Variants in GRIP2 observed in about 807,000 individuals in gnomAD.
GRIP2 encodes the protein glutamate receptor-interacting protein 2.
Under a neutral mutation model 108.3 loss-of-function variants are expected in GRIP2, and 58 were observed. The ratio of observed to expected loss-of-function variants is 0.54; its 90% confidence interval spans 0.43 to 0.67. The LOEUF (loss-of-function observed/expected upper bound fraction) is 0.67. Among genes scored for constraint, GRIP2 ranks in the 30% least tolerant of loss-of-function variants. The pLI is 0.00. For missense variants in GRIP2, 1,278 were observed against 1,430.6 expected (o/e 0.89, Z 1.72); for synonymous variants, 586 against 598.2 (o/e 0.98, Z 0.30).
intron 1 of GRIP2, among the ~76,000 whole-genome samples, chr3:14,527,821 A>G (rs1694605242): frequency 6.6e-6 from 1 of 152,182 alleles, no homozygotes; most frequent in South Asian, 2.1e-4. Context: ...GCTTGAACCC[A>G]GGAGGCGGAG....
At chr3:14,573,141 C>T in the GRIP2 span, 1 of 1,432,736 alleles carries the variant, frequency 7.0e-7, no homozygotes, top group Non-Finnish European at 9.8e-7. Flanking sequence ...CCCAAAGGTG[C>T]AGAGGAAGAG....
intron 22 of GRIP2, 132 bp downstream of exon 22, chr3:14,496,285 A>G: frequency 1.5e-6 from 1 of 687,130 alleles, no homozygotes; most frequent in Non-Finnish European, 2.4e-6. Context: ...AGCATTTTGG[A>G]AAACTCAACC....
At chr3:14,592,851 A>T in the GRIP2 span, among the ~76,000 whole-genome samples, 1 of 152,168 alleles carries the variant, frequency 6.6e-6, no homozygotes, top group Non-Finnish European at 1.5e-5. Flanking sequence ...GAGCAAAAAC[A>T]TGGAGCCACA....
At position 14,496,461 on chromosome 3, in the gene GRIP2, C is replaced by T. The variant is rs1252300894; in HGVS notation, c.2779G>A (p.Glu927Lys). The T allele has an allele frequency of 1.2e-6, 2 of 1,612,916 alleles. No homozygotes were observed. The highest frequency in any genetic ancestry group is 2.2e-5 in the East Asian group (1 of 44,866). The part of the protein sequence containing the change: ...RGREVRASPA[E>K]MEELLLPTPL... ...GTAGGCAGCAACAGCTCCTCCATTT[C>T]TGCAGGAGAGGCTCGTACCTCCCGG... is the stretch of plus-strand genomic sequence containing the variant. The change falls in exon 22 of 24, where the codon GAA (glutamate) becomes AAA (lysine). Residue 927 changes from glutamate (E) to lysine (K), a missense_variant. Coordinates refer to ENST00000621039, the MANE Select transcript of GRIP2 (RefSeq NM_001080423.4).
At chr3:14,504,728 C>T (rs1224464684) in intron 20 of GRIP2, among the ~76,000 whole-genome samples, 2 of 152,220 alleles carry the variant, frequency 1.3e-5, no homozygotes, top group Admixed American at 6.5e-5. Context: ...CTGAAGGACA[C>T]TTGCTCCATT....
chr3:14,553,897 G>A (rs563212290), intron 1 of GRIP2, among the ~76,000 whole-genome samples: 1 of 152,180 alleles, frequency 6.6e-6, no homozygotes, highest in African/African-American at 2.4e-5. Flanking sequence ...GGAGTGGAGA[G>A]GGGTCGGGCA....
At chr3:14,496,383 G>T in intron 22 of GRIP2, 34 bp downstream of exon 22, 1 of 1,567,884 alleles carries the variant, frequency 6.4e-7, no homozygotes, top group African/African-American at 1.3e-5. Context: ...CAGAACACAG[G>T]TCCAGGTCTC....
In GRIP2 at chr3:14,517,706, A is replaced by G. The variant is rs867640038; in HGVS notation, c.1156+66T>C. The G allele has an allele frequency of 4.4e-6, 7 of 1,577,490 alleles. No individual in the cohort carries two copies. The South Asian group carries it at 8.1e-5, about 18-fold the overall frequency. On this transcript the variant is annotated intron_variant, in intron 10 of 23. Coordinates refer to ENST00000621039, the MANE Select transcript of GRIP2 (RefSeq NM_001080423.4). Reference sequence around the variant, plus strand: ...TCTGAGTTTCCTTCCCTTAGACAACAGGCATCGCCCCCTCCCTAGGAAAGG... The same window carrying G: ...TCTGAGTTTCCTTCCCTTAGACAACGGGCATCGCCCCCTCCCTAGGAAAGG...
Position 14,492,931 on chromosome 3 carries a change from C to T in GRIP2, c.*734G>A, listed in dbSNP as rs887793984. 6.6e-6 allele frequency: 1 copy of T among 152,238 alleles called. No individual in the cohort carries two copies. The highest frequency in any genetic ancestry group is 2.4e-5 in the African/African-American group (1 of 41,464). 9.4% of individuals were successfully genotyped at this position (152,238 alleles called of 1,614,324 possible). A position where few individuals can be genotyped will look rare whatever the true frequency, so the allele number is the denominator to read the frequency against. On this transcript the variant is annotated 3_prime_UTR_variant, in exon 24 of 24. Transcript: ENST00000621039. ...CTGAGATGCTGAAATCAAAGAATCA[C>T]CCACTTTCAGAATCAAAGGGCCAGC...
At chr3:14,523,551 A>G (rs1694470435) in intron 5 of GRIP2, 61 bp downstream of exon 5, 3 of 1,051,190 alleles carry the variant, frequency 2.9e-6, no homozygotes, top group East Asian at 2.5e-5. Flanking sequence ...CAGCACACAC[A>G]TGGAATTAGT....
chr3:14,516,271 C>CT (rs1694245472), intron 11 of GRIP2, among the ~76,000 whole-genome samples: 1 of 152,102 alleles, frequency 6.6e-6, no homozygotes, highest in Admixed American at 6.6e-5. Flanking sequence ...CCATATTTAG[C>CT]TTTTTTCAGA....
intron 1 of GRIP2, among the ~76,000 whole-genome samples, chr3:14,537,290 C>T (rs1694857030): frequency 6.6e-6 from 1 of 152,214 alleles, no homozygotes; most frequent in Non-Finnish European, 1.5e-5. Flanking sequence ...GAAATGTCAC[C>T]TCCTCAGGGA....
the GRIP2 span, among the ~76,000 whole-genome samples, chr3:14,595,988 C>T: frequency 2.0e-5 from 3 of 152,268 alleles, no homozygotes; most frequent in Non-Finnish European, 4.4e-5. Context: ...CCCCATGAGG[C>T]TCTATATCCA....
rs1701271415 is a variant in GRIP2, at chr3:14,489,362, G to T, written c.*4303C>A. 6.6e-6 allele frequency: 1 copy of T among 152,618 alleles called. No homozygotes were observed. Among genetic ancestry groups the T allele is most frequent in the Non-Finnish European group, 1.5e-5 (1 of 68,050 alleles). 9.5% of individuals were successfully genotyped at this position (152,618 alleles called of 1,614,324 possible). A position where few individuals can be genotyped will look rare whatever the true frequency, so the allele number is the denominator to read the frequency against. ...TTTTAACATCCAACATGTGTGGGTT[G>T]TGTTCTGGTGAGGTATTTCCCCCTC... On this transcript the variant is annotated 3_prime_UTR_variant, in exon 24 of 24. Coordinates refer to ENST00000621039, the MANE Select transcript of GRIP2 (RefSeq NM_001080423.4).
chr3:14,555,556 G>T (rs1298554417), intron 1 of GRIP2, among the ~76,000 whole-genome samples: 1 of 143,058 alleles, frequency 7.0e-6, no homozygotes, highest in Non-Finnish European at 1.6e-5. Context: ...CAGACAGCAG[G>T]AGAGACAGAC....
chr3:14,525,770 G>T, intron 2 of GRIP2, 81 bp downstream of exon 2: 1 of 1,395,458 alleles, frequency 7.2e-7, no homozygotes, highest in Non-Finnish European at 9.9e-7. Context: ...GTCAGTGGCA[G>T]AGCCGTTGCC....
the GRIP2 span, chr3:14,573,552 A>G: frequency 6.9e-7 from 1 of 1,452,958 alleles, no homozygotes. Context: ...CTCCTCATGG[A>G]AATAGCCCCT....
chr3:14,524,643 A>C, intron 3 of GRIP2, 105 bp from the exon 4 acceptor site: 12 of 1,270,044 alleles, frequency 9.4e-6, no homozygotes, highest in Non-Finnish European at 1.1e-5. Context: ...CTGGATCCTC[A>C]TTTCACAAAT....
chr3:14,508,213 A>G (rs1214188368), intron 17 of GRIP2, among the ~76,000 whole-genome samples: 1 of 152,250 alleles, frequency 6.6e-6, no homozygotes, highest in East Asian at 1.9e-4. Flanking sequence ...AGCGCCCAGC[A>G]GACCTCACAG....
Sources: allele counts gnomAD v4.1 joint callset (sites outside exome capture counted in the v4.1 genomes callset), GRCh38; gene constraint gnomAD v4.1.1; transcripts MANE v1.5; gene names NCBI Gene and HGNC (gene_info 2026-07-23, HGNC 2026-07-21).